Variants in ATRNL1 observed in about 807,000 individuals in gnomAD.
ATRNL1 encodes the protein attractin like 1, also known as attractin-like protein 1.
A neutral mutation model predicts 182.7 loss-of-function variants in ATRNL1; 95 were observed. The observed-to-expected ratio is 0.52, with a 90% CI of 0.44 to 0.62. The LOEUF (loss-of-function observed/expected upper bound fraction) is 0.62, where lower values mean the gene tolerates loss of function less well. Ranked by LOEUF, ATRNL1 falls within the 20% of genes least tolerant of loss-of-function variation. ATRNL1 has a pLI of 0.00. For synonymous variants in ATRNL1, 576 were observed against 568.3 expected, an observed-to-expected ratio of 1.01 and a Z score of -0.19; for missense variants, 1,471 against 1,679.5, an observed-to-expected ratio of 0.88 and a Z score of 2.17.
chr10:115,289,673 T>A (rs749675071), intron 15 of ATRNL1, among the ~76,000 whole-genome samples: 27 of 152,200 alleles, frequency 1.8e-4, no homozygotes, highest in Non-Finnish European at 3.5e-4. Flanking sequence ...TTGGTGTAAT[T>A]GTCAAAAATC....
chr10:115,552,638 C>G (rs1381292981), intron 26 of ATRNL1, among the ~76,000 whole-genome samples: 10 of 151,408 alleles, frequency 6.6e-5, no homozygotes, highest in Admixed American at 5.9e-4. Flanking sequence ...CATAGATATA[C>G]TTTTTGTGGC....
In ATRNL1 at chr10:115,288,435, G is replaced by A. The variant is rs78365365; in HGVS notation, c.2415+2038G>A. Among the ~76,000 whole-genome samples the A allele has an allele frequency of 1.2e-3, 183 of 151,612 alleles. 3 individuals are homozygous for A. In the East Asian group the frequency reaches 0.034, roughly 29 times the overall value. On this transcript the variant is annotated intron_variant, in intron 15 of 28. Coordinates refer to ENST00000355044, the MANE Select transcript of ATRNL1 (RefSeq NM_207303.4). ...ACATCTGGAGGTGAGATGATAGCTC[G>A]TTGTGGTTTTTATTTTTGTTTCCCT...
intron 18 of ATRNL1, among the ~76,000 whole-genome samples, chr10:115,333,003 C>T (rs1477079548): frequency 6.6e-6 from 1 of 152,134 alleles, no homozygotes; most frequent in Non-Finnish European, 1.5e-5. Flanking sequence ...ACAATTTGGT[C>T]CTCTGTCTGG....
Position 115,093,510 on chromosome 10 carries a change from GC to G in ATRNL1, c.-238del. 4.6e-6 allele frequency: 3 copies of G among 656,638 alleles called. No homozygotes were observed. Among genetic ancestry groups the G allele is most frequent in the East Asian group, 3.2e-5 (1 of 30,806 alleles). The allele number at this position is 656,638 out of a possible 1,614,324, so 40.7% of individuals were successfully genotyped here. On this transcript the variant is annotated 5_prime_UTR_variant, in exon 1 of 29. Transcript: ENST00000355044. The surrounding 1 kb of genome is among the most constrained non-coding windows in gnomAD (Gnocchi z 6.1). Reference sequence around the variant, plus strand: ...CCGGGACGCCGCGGCTGTGGGGTCGGCCCGCTAAGGACAAGGTCGGGAGACT... The same window carrying G: ...CCGGGACGCCGCGGCTGTGGGGTCGGCCGCTAAGGACAAGGTCGGGAGACT...
At chr10:115,772,806 C>T (rs1460842446) in intron 27 of ATRNL1, among the ~76,000 whole-genome samples, 2 of 152,134 alleles carry the variant, frequency 1.3e-5, no homozygotes, top group Non-Finnish European at 2.9e-5. Flanking sequence ...GTACATCTTG[C>T]TTGCTTTGAC....
intron 19 of ATRNL1, among the ~76,000 whole-genome samples, chr10:115,376,893 T>G (rs1554949685): frequency 6.6e-6 from 1 of 152,084 alleles, no homozygotes; most frequent in African/African-American, 2.4e-5. Flanking sequence ...TATGCTTTCT[T>G]CATTTTAAAA....
At chr10:115,693,875 T>C (rs913038484) in intron 26 of ATRNL1, among the ~76,000 whole-genome samples, 3 of 152,116 alleles carry the variant, frequency 2.0e-5, no homozygotes, top group African/African-American at 4.8e-5. Context: ...CAGTCCATCA[T>C]TGACCAGAAA....
At chr10:115,336,857 T>G (rs1855503216) in intron 19 of ATRNL1, among the ~76,000 whole-genome samples, 1 of 151,418 alleles carries the variant, frequency 6.6e-6, no homozygotes, top group Admixed American at 6.6e-5. Flanking sequence ...TTTTTTCTTT[T>G]TTTTTTTAGA....
chr10:115,538,483 T>C (rs1259395198), intron 25 of ATRNL1, among the ~76,000 whole-genome samples: 1 of 152,214 alleles, frequency 6.6e-6, no homozygotes, highest in African/African-American at 2.4e-5. Context: ...TTATTAGTTA[T>C]ACTTTCATTT....
At chr10:115,636,075 C>T (rs1365806196) in intron 26 of ATRNL1, among the ~76,000 whole-genome samples, 4 of 152,146 alleles carry the variant, frequency 2.6e-5, no homozygotes, top group Non-Finnish European at 5.9e-5. Context: ...ATCATAGTTA[C>T]ACAGATATGT....
intron 26 of ATRNL1, among the ~76,000 whole-genome samples, chr10:115,712,066 C>T (rs1947079184): frequency 6.6e-6 from 1 of 152,170 alleles, no homozygotes; most frequent in Non-Finnish European, 1.5e-5. Flanking sequence ...ATTAAACATT[C>T]TTCAATATTA....
chr10:115,368,487 C>T (rs566192592), intron 19 of ATRNL1, among the ~76,000 whole-genome samples: 19 of 152,304 alleles, frequency 1.2e-4, no homozygotes, highest in African/African-American at 3.8e-4. Context: ...CCGTCTTCTG[C>T]GTCGCTCACG....
chr10:115,562,854 A>T (rs1189760864), intron 26 of ATRNL1, among the ~76,000 whole-genome samples: 3 of 152,188 alleles, frequency 2.0e-5, no homozygotes, highest in Non-Finnish European at 4.4e-5. Flanking sequence ...TTAAGTTCAT[A>T]ACCAGTGTGA....
chr10:115,519,305 T>A lies in ATRNL1; in HGVS notation c.3697T>A (p.Phe1233Ile). 6.2e-7 allele frequency: 1 copy of A among 1,610,978 alleles called. No individual in the cohort carries two copies. Among genetic ancestry groups the A allele is most frequent in the East Asian group, 2.2e-5 (1 of 44,712 alleles). Reference protein sequence around the residue: ...QHNTIMDLVQFFVTFFSCFLS... With the variant: ...QHNTIMDLVQIFVTFFSCFLS... ...CAATACAATCATGGACCTTGTGCAGTTTTTTGTCACCTTCTTCAGGTAAAA... is the reference window on the plus strand; with the variant it reads ...CAATACAATCATGGACCTTGTGCAGATTTTTGTCACCTTCTTCAGGTAAAA... Residue 1233 changes from phenylalanine (F) to isoleucine (I), a missense_variant, in exon 25 of 29, where the codon TTT becomes ATT. Transcript: ENST00000355044.
At position 115,268,519 on chromosome 10, in the gene ATRNL1, A is replaced by G. The variant is rs141635459; in HGVS notation, c.2100+75A>G. The G allele has an allele frequency of 4.9e-5, 51 of 1,043,480 alleles. No homozygotes were observed. The African/African-American group carries it at 7.9e-4, about 16-fold the overall frequency. The allele number at this position is 1,043,480 out of a possible 1,614,324, so 64.6% of individuals were successfully genotyped here. A position where few individuals can be genotyped will look rare whatever the true frequency, so the allele number is the denominator to read the frequency against. On this transcript the variant is annotated intron_variant, in intron 13 of 28. Transcript: ENST00000355044. ...TATGATCATTAGCTTACCATTTAGTAGCACTGTAGAAAAAAAGCACTTTAC... is the reference window on the plus strand; with the variant it reads ...TATGATCATTAGCTTACCATTTAGTGGCACTGTAGAAAAAAAGCACTTTAC...
chr10:115,439,883 T>G (rs1181445550), intron 21 of ATRNL1, among the ~76,000 whole-genome samples: 1 of 151,922 alleles, frequency 6.6e-6, no homozygotes, highest in African/African-American at 2.4e-5. Flanking sequence ...TTGATTATTC[T>G]TATATGAAAG....
chr10:115,630,408 A>G (rs1237297560), intron 26 of ATRNL1, among the ~76,000 whole-genome samples: 1 of 151,992 alleles, frequency 6.6e-6, no homozygotes, highest in Non-Finnish European at 1.5e-5. Context: ...AAGCACTGTT[A>G]GTGAGAGTGT....
chr10:115,362,811 A>T (rs1202532589), intron 19 of ATRNL1, among the ~76,000 whole-genome samples: 2 of 151,336 alleles, frequency 1.3e-5, no homozygotes, highest in South Asian at 4.2e-4. Context: ...GAGAATGATG[A>T]TTTCCAATTT....
At chr10:115,941,397 G>T (rs530268161) in intron 28 of ATRNL1, among the ~76,000 whole-genome samples, 1 of 152,204 alleles carries the variant, frequency 6.6e-6, no homozygotes, top group Non-Finnish European at 1.5e-5. Context: ...CAGCGATACA[G>T]TGGCAGTTTT....
Sources: allele counts gnomAD v4.1 joint callset (sites outside exome capture counted in the v4.1 genomes callset), GRCh38; gene constraint gnomAD v4.1.1; non-coding constraint Gnocchi (gnomAD v3.1); transcripts MANE v1.5; gene names NCBI Gene and HGNC (gene_info 2026-07-23, HGNC 2026-07-21).